The following NDUFAF6 variants were observed in gnomAD, a reference collection of about 807,000 sequenced individuals.
The protein encoded by NDUFAF6 is NADH dehydrogenase (ubiquinone) complex I, assembly factor 6.
Under a neutral mutation model 40.8 loss-of-function variants are expected in NDUFAF6, and 45 were observed. That is an observed-to-expected ratio of 1.10 (90% CI 0.87 to 1.42). The LOEUF is 1.42. NDUFAF6 is among the 40% of genes most tolerant of loss of function. NDUFAF6 has a pLI of 0.00. For missense variants in NDUFAF6, 435 were observed against 418.5 expected (o/e 1.04, Z -0.34); for synonymous variants, 185 against 155.9 (o/e 1.19, Z -1.39).
intron 7 of NDUFAF6, among the ~76,000 whole-genome samples, chr8:95,050,506 G>A (rs1831307141): frequency 6.6e-6 from 1 of 152,166 alleles, no homozygotes; most frequent in Non-Finnish European, 1.5e-5. Context: ...CTGTGCTTTA[G>A]TTTCCTCATC....
At chr8:94,907,003 G>A (rs7820818) in intron 1 of NDUFAF6, among the ~76,000 whole-genome samples, 97,692 of 152,080 alleles carry the variant, frequency 0.64, 31,958 homozygotes, top group East Asian at 0.79. Flanking sequence ...TTGAAACTAC[G>A]TGTCTGCCTT....
At chr8:95,047,275 C>T (rs1830882397) in intron 6 of NDUFAF6, 148 bp downstream of exon 6, 2 of 1,129,050 alleles carry the variant, frequency 1.8e-6, no homozygotes, top group African/African-American at 1.5e-5. Context: ...CTTTTTATCC[C>T]AGAGTTATCA....
chr8:95,026,119 A>G (rs1406276600), intron 1 of NDUFAF6, among the ~76,000 whole-genome samples: 1 of 152,158 alleles, frequency 6.6e-6, no homozygotes, highest in Non-Finnish European at 1.5e-5. Flanking sequence ...TTTAGAGAAA[A>G]GCAGCATAAC....
chr8:95,041,662 T>C, intron 4 of NDUFAF6, 36 bp downstream of exon 4: 1 of 1,509,398 alleles, frequency 6.6e-7, no homozygotes, highest in South Asian at 1.1e-5. Flanking sequence ...AGTTTTTTCT[T>C]CCTGTTTAAT....
At position 95,058,156 on chromosome 8, in the gene NDUFAF6, G is replaced by A. The variant is rs1013577193; in HGVS notation, c.*219G>A. On this transcript the variant is annotated 3_prime_UTR_variant, in exon 9 of 9. Coordinates refer to ENST00000396124, the MANE Select transcript of NDUFAF6 (RefSeq NM_152416.4). Reference sequence around the variant, plus strand: ...GCCATTGGCACCCCTGGCCCAGACAGTGTCTGCTGTGCTGTCCCTGGAAGC... The same window carrying A: ...GCCATTGGCACCCCTGGCCCAGACAATGTCTGCTGTGCTGTCCCTGGAAGC... 1 of 1,440,512 alleles carries A rather than the reference G, an allele frequency of 6.9e-7. No homozygotes were observed. Among genetic ancestry groups the A allele is most frequent in the Non-Finnish European group, 9.0e-7 (1 of 1,107,732 alleles). 89.2% of individuals were successfully genotyped at this position (1,440,512 alleles called of 1,614,324 possible).
At chr8:95,040,306 G>T (rs1830011133) in intron 3 of NDUFAF6, among the ~76,000 whole-genome samples, 1 of 152,142 alleles carries the variant, frequency 6.6e-6, no homozygotes, top group African/African-American at 2.4e-5. Context: ...ACATGTAGAG[G>T]CACAATTCGT....
At chr8:94,997,300 AC>A (rs1197823335) in intron 2 of NDUFAF6, among the ~76,000 whole-genome samples, 2 of 105,858 alleles carry the variant, frequency 1.9e-5, no homozygotes, top group Non-Finnish European at 3.7e-5. Flanking sequence ...ACACACACAC[AC>A]ACACACACAC....
intron 2 of NDUFAF6, among the ~76,000 whole-genome samples, chr8:95,102,645 C>A (rs4735344): frequency 0.83 from 126,297 of 152,054 alleles, 52,851 homozygotes; most frequent in East Asian, 1. Flanking sequence ...GAAAGTATTT[C>A]CCATGGGTAC....
At chr8:95,076,564 C>T (rs1833020987), downstream of NDUFAF6, among the ~76,000 whole-genome samples, 1 of 152,126 alleles carries the variant, frequency 6.6e-6, no homozygotes, top group Admixed American at 6.6e-5. Flanking sequence ...AGTTATGGCC[C>T]TGAATGCTGA....
intron 1 of NDUFAF6, among the ~76,000 whole-genome samples, chr8:94,910,444 C>A (rs1479325563): frequency 6.6e-6 from 1 of 152,162 alleles, no homozygotes; most frequent in Admixed American, 6.5e-5. Flanking sequence ...TGAGCCACCG[C>A]GCCTGGCCTG....
intron 2 of NDUFAF6, chr8:95,034,753 A>G (rs1829281303): frequency 1.3e-5 from 2 of 152,384 alleles, no homozygotes; most frequent in African/African-American, 4.8e-5. Context: ...CTGAGTCAAG[A>G]TGTTAATACT....
upstream of NDUFAF6, among the ~76,000 whole-genome samples, chr8:95,020,682 A>G (rs571226796): frequency 6.6e-6 from 1 of 152,192 alleles, no homozygotes; most frequent in African/African-American, 2.4e-5. Flanking sequence ...AGAACGATAC[A>G]CTAACACCTC....
At chr8:94,909,167 G>A (rs1205934281) in intron 1 of NDUFAF6, among the ~76,000 whole-genome samples, 3 of 151,840 alleles carry the variant, frequency 2.0e-5, no homozygotes, top group Admixed American at 1.3e-4. Context: ...CCAACATGGC[G>A]AAACCCCATC....
upstream of NDUFAF6, among the ~76,000 whole-genome samples, chr8:95,098,406 G>A (rs982541482): frequency 7.2e-5 from 11 of 152,122 alleles, no homozygotes; most frequent in African/African-American, 2.4e-4. Flanking sequence ...AGTGGCTCAC[G>A]CCTGTAATCC....
chr8:95,036,551 A>G, intron 3 of NDUFAF6: 1 of 1,228,316 alleles, frequency 8.1e-7, no homozygotes, highest in Non-Finnish European at 1.0e-6. Context: ...AGCTCAACCT[A>G]GGTGACTCAC....
upstream of NDUFAF6, among the ~76,000 whole-genome samples, chr8:94,953,361 CAAAAA>C (rs562800399): frequency 3.9e-4 from 56 of 144,562 alleles, no homozygotes; most frequent in African/African-American, 1.3e-3. Context: ...AAAAAAAAAA[CAAAAA>C]AAAAACCTTT....
At chr8:95,051,081 T>C (rs1265294848) in intron 7 of NDUFAF6, among the ~76,000 whole-genome samples, 1 of 152,172 alleles carries the variant, frequency 6.6e-6, no homozygotes, top group Admixed American at 6.5e-5. Flanking sequence ...TGCAGGATTG[T>C]GACTTAAAGG....
upstream of NDUFAF6, among the ~76,000 whole-genome samples, chr8:95,024,251 C>T (rs1357239028): frequency 1.3e-5 from 2 of 152,194 alleles, no homozygotes; most frequent in Admixed American, 1.3e-4. Flanking sequence ...CGACTACTTA[C>T]TATTTATGTG....
chr8:95,056,210 T>G (rs1832113587), intron 8 of NDUFAF6, among the ~76,000 whole-genome samples: 3 of 152,038 alleles, frequency 2.0e-5, no homozygotes, highest in Admixed American at 2.0e-4. Flanking sequence ...CCTCTTTTTT[T>G]CGATCAAAGA....
Sources: gnomAD v4.1 joint callset for allele counts (sites outside exome capture counted in the v4.1 genomes callset) on GRCh38, gnomAD v4.1.1 for gene constraint, MANE v1.5 for transcripts, NCBI Gene and HGNC (gene_info 2026-07-23, HGNC 2026-07-21) for gene names.